The following LRP1B variants were observed in gnomAD, a reference collection of about 807,000 sequenced individuals.
LRP1B encodes the protein LDL receptor related protein 1B.
LRP1B carries 217 observed loss-of-function variants against 556.6 expected under a neutral mutation model. That is an observed-to-expected ratio of 0.39 (90% CI 0.35 to 0.44). LRP1B has a LOEUF of 0.44. Ranked by LOEUF, LRP1B falls within the 20% of genes least tolerant of loss-of-function variation. The probability of loss-of-function intolerance (pLI) is 1.00; values close to 1 mark genes in which losing one functional copy is unlikely to be tolerated. For missense variants in LRP1B, 5,053 were observed against 5,620.8 expected (o/e 0.90, Z 3.23); for synonymous variants, 2,047 against 1,865.8 (o/e 1.10, Z -2.50).
chr2:141,869,548 A>G (rs1698518417), intron 1 of LRP1B, among the ~76,000 whole-genome samples: 1 of 152,100 alleles, frequency 6.6e-6, no homozygotes, highest in Non-Finnish European at 1.5e-5. Context: ...TGTGATATGT[A>G]CCTTACCATA....
chr2:140,331,383 T>C (rs1435669309), intron 79 of LRP1B, among the ~76,000 whole-genome samples: 1 of 152,070 alleles, frequency 6.6e-6, no homozygotes, highest in Non-Finnish European at 1.5e-5. Context: ...CATATTTTTA[T>C]TGTGTCTTAT....
chr2:140,878,736 G>A (rs76579108), intron 25 of LRP1B, among the ~76,000 whole-genome samples: 5,921 of 152,194 alleles, frequency 0.039, 180 homozygotes, highest in South Asian at 0.089. Flanking sequence ...GCCAGGTGTG[G>A]TGGCTCATGC....
intron 2 of LRP1B, among the ~76,000 whole-genome samples, chr2:141,750,955 T>G (rs1694089394): frequency 6.6e-6 from 1 of 152,034 alleles, no homozygotes; most frequent in African/African-American, 2.4e-5. Context: ...ATGTATCTCC[T>G]TGCTCCAGGA....
In LRP1B at chr2:140,274,618, C is replaced by G. The variant is rs1357598489; in HGVS notation, c.12968-20G>C. 2.5e-6 allele frequency: 4 copies of G among 1,597,110 alleles called. No individual in the cohort carries two copies. Among genetic ancestry groups the G allele is most frequent in the Non-Finnish European group, 3.4e-6 (4 of 1,170,442 alleles). ...ACACGTCTAGGAAAAAAAGGCACAACAGAAAAATAAAATTATATTACAGGA... is the reference window on the plus strand; with the variant it reads ...ACACGTCTAGGAAAAAAAGGCACAAGAGAAAAATAAAATTATATTACAGGA... On this transcript the variant is annotated intron_variant, in intron 84 of 90. Coordinates refer to ENST00000389484, the MANE Select transcript of LRP1B (RefSeq NM_018557.3).
chr2:140,396,141 G>A (rs879730274), intron 66 of LRP1B, among the ~76,000 whole-genome samples: 4 of 152,206 alleles, frequency 2.6e-5, no homozygotes, highest in Admixed American at 2.6e-4. Context: ...TAGAGGGATA[G>A]AGAGGTCTTC....
intron 67 of LRP1B, among the ~76,000 whole-genome samples, chr2:140,379,963 T>C (rs1396282963): frequency 6.6e-6 from 1 of 151,532 alleles, no homozygotes; most frequent in African/African-American, 2.4e-5. Flanking sequence ...ACATAGATTA[T>C]GCTTTAATCT....
chr2:141,434,796 A>G lies in LRP1B; in HGVS notation c.343+45600T>C, dbSNP rs934657142. On this transcript the variant is annotated intron_variant, in intron 3 of 90. Coordinates refer to ENST00000389484, the MANE Select transcript of LRP1B (RefSeq NM_018557.3). The stretch of plus-strand genomic sequence containing the variant: ...AATCAGTTTGTTTGTTTAGTGACTC[A>G]GCTAAAATAATTCTGAAAACTCTAT... 5.9e-5 allele frequency among the ~76,000 whole-genome samples: 9 copies of G among 152,148 alleles called. 1 individual carries two copies. The highest frequency in any genetic ancestry group is 1.5e-5 in the Non-Finnish European group (1 of 68,020).
At chr2:140,718,635 T>C (rs1034245035) in intron 35 of LRP1B, among the ~76,000 whole-genome samples, 3 of 151,914 alleles carry the variant, frequency 2.0e-5, no homozygotes, top group African/African-American at 7.2e-5. Flanking sequence ...AAAATGTAAA[T>C]AAGAATTTCT....
intron 23 of LRP1B, among the ~76,000 whole-genome samples, chr2:140,886,650 C>T (rs1693644994): frequency 6.6e-6 from 1 of 151,180 alleles, no homozygotes; most frequent in East Asian, 1.9e-4. Context: ...TTTCAGCTGA[C>T]AACTTAATGC....
At chr2:141,696,277 C>T (rs1691731548) in intron 2 of LRP1B, among the ~76,000 whole-genome samples, 1 of 151,994 alleles carries the variant, frequency 6.6e-6, no homozygotes, top group South Asian at 2.1e-4. Flanking sequence ...CTTATTTTGA[C>T]ATTTAAAATA....
At chr2:142,087,244 A>G (rs1215374107) in intron 1 of LRP1B, among the ~76,000 whole-genome samples, 1 of 151,224 alleles carries the variant, frequency 6.6e-6, no homozygotes, top group East Asian at 2.0e-4. Flanking sequence ...GTGGAGAAAA[A>G]GAAATGTCAG....
chr2:141,730,848 T>C (rs1374600873), intron 2 of LRP1B, among the ~76,000 whole-genome samples: 2 of 152,206 alleles, frequency 1.3e-5, no homozygotes, highest in Admixed American at 1.3e-4. Context: ...TATTCTTCAC[T>C]GGACAGAAGT....
At chr2:140,998,832 C>T (rs1280692536) in intron 15 of LRP1B, among the ~76,000 whole-genome samples, 2 of 152,032 alleles carry the variant, frequency 1.3e-5, no homozygotes, top group Non-Finnish European at 2.9e-5. Flanking sequence ...TGGCTGAAAC[C>T]AGGAAGATCA....
chr2:140,630,997 G>A (rs1490095599), intron 41 of LRP1B, among the ~76,000 whole-genome samples: 1 of 152,162 alleles, frequency 6.6e-6, no homozygotes, highest in Non-Finnish European at 1.5e-5. Flanking sequence ...TATAACCAGA[G>A]TGTAATAATA....
chr2:142,028,212 C>T (rs1178561253), intron 1 of LRP1B, among the ~76,000 whole-genome samples: 1 of 151,890 alleles, frequency 6.6e-6, no homozygotes, highest in African/African-American at 2.4e-5. Flanking sequence ...AGAATAAACG[C>T]TCCCTTTTTG....
chr2:141,989,321 C>T (rs1206263976), intron 1 of LRP1B, among the ~76,000 whole-genome samples: 3 of 151,858 alleles, frequency 2.0e-5, no homozygotes, highest in African/African-American at 7.3e-5. Context: ...ATTTCTTCCT[C>T]TGATGACTTT....
chr2:141,969,141 A>G (rs1701652271), intron 1 of LRP1B, among the ~76,000 whole-genome samples: 1 of 151,138 alleles, frequency 6.6e-6, no homozygotes, highest in South Asian at 2.1e-4. Flanking sequence ...ATACATTGAC[A>G]AATTATAGTA....
chr2:140,738,860 C>G (rs187796252), intron 35 of LRP1B, among the ~76,000 whole-genome samples: 25 of 152,248 alleles, frequency 1.6e-4, no homozygotes, highest in African/African-American at 6.0e-4. Flanking sequence ...TCAAATAACT[C>G]GAAGTGGTCA....
intron 32 of LRP1B, among the ~76,000 whole-genome samples, chr2:140,782,215 T>C (rs1689724511): frequency 1.3e-5 from 2 of 152,198 alleles, no homozygotes; most frequent in Admixed American, 6.5e-5. Flanking sequence ...ATCTACTTCA[T>C]GGTTAGGGGC....
Sources: allele counts gnomAD v4.1 joint callset (sites outside exome capture counted in the v4.1 genomes callset), GRCh38; gene constraint gnomAD v4.1.1; transcripts MANE v1.5; gene names NCBI Gene and HGNC (gene_info 2026-07-23, HGNC 2026-07-21).